PTPN9: variants seen among roughly 807,000 people sequenced by gnomAD.
PTPN9 encodes the protein protein tyrosine phosphatase non-receptor type 9.
Under a neutral mutation model 69.8 loss-of-function variants are expected in PTPN9, and 26 were observed. The observed-to-expected ratio is 0.37, with a 90% CI of 0.27 to 0.52. PTPN9 has a LOEUF of 0.52. Among genes scored for constraint, PTPN9 ranks in the 20% least tolerant of loss-of-function variants. The probability of loss-of-function intolerance (pLI) is 0.91; values close to 1 mark genes in which losing one functional copy is unlikely to be tolerated. For synonymous variants in PTPN9, 274 were observed against 272.5 expected, an observed-to-expected ratio of 1.01 and a Z score of -0.05; for missense variants, 549 against 740.3, an observed-to-expected ratio of 0.74 and a Z score of 3.00.
At chr15:75,566,433 G>A (rs899918596) in intron 1 of PTPN9, among the ~76,000 whole-genome samples, 113 of 152,304 alleles carry the variant, frequency 7.4e-4, no homozygotes, top group African/African-American at 2.4e-3. Flanking sequence ...TGTAATCCTA[G>A]CACTTTGGGA....
At position 75,579,144 on chromosome 15, in the gene PTPN9, T is replaced by A. The variant is rs1212410815; in HGVS notation, c.-368A>T. ...CCGGGAGCGAAGGGTCGGCGGAAAT[T>A]TCCCGAAGGCCGCCGACCCCCTCGG... On this transcript the variant is annotated 5_prime_UTR_variant, in exon 1 of 13. Transcript: ENST00000618819. 3 of 154,000 alleles carry A rather than the reference T, an allele frequency of 1.9e-5. No individual in the cohort carries two copies. Among genetic ancestry groups the A allele is most frequent in the Non-Finnish European group, 4.3e-5 (3 of 69,348 alleles). 9.5% of individuals were successfully genotyped at this position (154,000 alleles called of 1,614,324 possible). A position where few individuals can be genotyped will look rare whatever the true frequency, so the allele number is the denominator to read the frequency against.
chr15:75,466,566 C>T lies in PTPN9; in HGVS notation c.*2203G>A, dbSNP rs2074537307. 6.6e-6 allele frequency: 1 copy of T among 152,216 alleles called. No individual in the cohort carries two copies. Among genetic ancestry groups the T allele is most frequent in the African/African-American group, 2.4e-5 (1 of 41,446 alleles). 9.4% of individuals were successfully genotyped at this position (152,216 alleles called of 1,614,324 possible). A position where few individuals can be genotyped will look rare whatever the true frequency, so the allele number is the denominator to read the frequency against. On this transcript the variant is annotated 3_prime_UTR_variant, in exon 13 of 13. Transcript: ENST00000618819. ...ATCAGGAGGTCCTAGCTAGGACAGTCAGTCACCAACCCTGTCACCCTTCGC... is the reference window on the plus strand; with the variant it reads ...ATCAGGAGGTCCTAGCTAGGACAGTTAGTCACCAACCCTGTCACCCTTCGC...
chr15:75,526,447 AT>A lies in PTPN9; in HGVS notation c.207+670del, dbSNP rs1010116837. On this transcript the variant is annotated intron_variant, in intron 2 of 12. Transcript: ENST00000618819. ...GCTAATCCTAGTGCTTGTTATCCCA[AT>A]TTTTTTTTTTAGGGAGATTTTGTAT... Among the ~76,000 whole-genome samples the A allele has an allele frequency of 8.9e-3, 1,303 of 147,134 alleles. 35 individuals are homozygous for A. The highest frequency in any genetic ancestry group is 0.031 in the African/African-American group (1,237 of 40,406).
intron 1 of PTPN9, among the ~76,000 whole-genome samples, chr15:75,563,782 G>C (rs961731083): frequency 2.0e-5 from 3 of 152,136 alleles, no homozygotes; most frequent in African/African-American, 7.2e-5. Flanking sequence ...TTTAATAACT[G>C]CCTTCAAAGA....
At chr15:75,571,781 C>T (rs2075149574) in intron 1 of PTPN9, among the ~76,000 whole-genome samples, 1 of 152,052 alleles carries the variant, frequency 6.6e-6, no homozygotes, top group Admixed American at 6.6e-5. Flanking sequence ...GCAGTCCCAG[C>T]TGCTTGGGAG....
intron 4 of PTPN9, among the ~76,000 whole-genome samples, 170 bp downstream of exon 4, chr15:75,522,951 G>A (rs2074911611): frequency 6.6e-6 from 1 of 152,184 alleles, no homozygotes; most frequent in Admixed American, 6.6e-5. Flanking sequence ...CATCTTGATA[G>A]TGCCTGCAAA....
At position 75,575,131 on chromosome 15, in the gene PTPN9, G is replaced by A. The variant is rs1455464950; in HGVS notation, c.63+3583C>T. ...TGGGACTACAGGCGCCCGCCACGAC[G>A]CCCGGCTAATTTTTTGTATTTTTAG... is the stretch of plus-strand genomic sequence containing the variant. On this transcript the variant is annotated intron_variant, in intron 1 of 12. Transcript: ENST00000618819. Among the ~76,000 whole-genome samples, 5 of 54,876 alleles carry A rather than the reference G, an allele frequency of 9.1e-5. 1 individual carries two copies. The South Asian group carries it at 2.1e-3, about 23-fold the overall frequency. The allele number at this position is 54,876 out of a possible 152,430, so 36.0% of individuals were successfully genotyped here.
chr15:75,523,224 C>G lies in PTPN9; in HGVS notation c.319G>C (p.Ala107Pro). The change falls in exon 4 of 13, where the codon GCC (alanine) becomes CCC (proline). Residue 107 changes from alanine (A) to proline (P), a missense_variant. Ala to Pro is a conservative substitution (Grantham distance 27). Coordinates refer to ENST00000618819, the MANE Select transcript of PTPN9 (RefSeq NM_002833.4). ...TILNVRDPTGASIALFTARLH... is the reference protein window; with the variant it reads ...TILNVRDPTGPSIALFTARLH... ...CTGGCAGTAAAGAGGGCAATGGAGG[C>G]TCCTGTTGGGTCCCGAACATTCTAA... The G allele has an allele frequency of 1.2e-6, 2 of 1,613,998 alleles. No homozygotes were observed. Among genetic ancestry groups the G allele is most frequent in the Non-Finnish European group, 1.7e-6 (2 of 1,179,992 alleles).
chr15:75,546,716 G>A (rs896495089), intron 1 of PTPN9, among the ~76,000 whole-genome samples: 3 of 151,928 alleles, frequency 2.0e-5, no homozygotes. Context: ...TAAAAAGGGT[G>A]GGTGGGCACA....
chr15:75,575,702 G>A (rs1022530505), intron 1 of PTPN9, among the ~76,000 whole-genome samples: 12 of 151,358 alleles, frequency 7.9e-5, no homozygotes, highest in Non-Finnish European at 1.3e-4. Context: ...GGTGGATCAT[G>A]AGGTCAGGAG....
intron 10 of PTPN9, among the ~76,000 whole-genome samples, chr15:75,471,753 A>G (rs2141670139): frequency 6.6e-6 from 1 of 151,860 alleles, no homozygotes; most frequent in South Asian, 2.1e-4. Flanking sequence ...CATCTCTACT[A>G]AAAATACAAA....
chr15:75,526,120 C>T (rs900446450), intron 2 of PTPN9, among the ~76,000 whole-genome samples: 1 of 151,724 alleles, frequency 6.6e-6, no homozygotes, highest in Admixed American at 6.6e-5. Flanking sequence ...CTCAGCCTCC[C>T]GAGTAGCTGG....
intron 10 of PTPN9, among the ~76,000 whole-genome samples, chr15:75,471,917 T>C (rs867836758): frequency 9.2e-5 from 14 of 151,794 alleles, no homozygotes; most frequent in Non-Finnish European, 1.2e-4. Flanking sequence ...AACTCCAGCC[T>C]GCACAATAGA....
intron 1 of PTPN9, among the ~76,000 whole-genome samples, chr15:75,559,619 G>C (rs1006370391): frequency 2.0e-5 from 3 of 152,048 alleles, no homozygotes; most frequent in African/African-American, 7.2e-5. Flanking sequence ...CAAGTACCCA[G>C]GGACACAAAC....
chr15:75,568,897 T>C (rs531657890), intron 1 of PTPN9, among the ~76,000 whole-genome samples: 13 of 152,152 alleles, frequency 8.5e-5, no homozygotes, highest in Non-Finnish European at 1.9e-4. Context: ...GTTAGGTTCC[T>C]AAGGGGCCTT....
intron 1 of PTPN9, among the ~76,000 whole-genome samples, chr15:75,540,297 A>C (rs2075002493): frequency 6.6e-6 from 1 of 152,208 alleles, no homozygotes; most frequent in Admixed American, 6.5e-5. Context: ...ATGTTGGCTC[A>C]CGCCTGTAAT....
intron 10 of PTPN9, among the ~76,000 whole-genome samples, chr15:75,472,685 A>G (rs1037528506): frequency 4.0e-5 from 6 of 151,476 alleles, no homozygotes; most frequent in South Asian, 2.1e-4. Context: ...TCAGCTACTC[A>G]GGAGAATCAC....
In PTPN9 at chr15:75,467,002, G is replaced by GAACTCAA. The variant is rs1278471207; in HGVS notation, c.*1760_*1766dup. 2.0e-5 allele frequency: 3 copies of GAACTCAA among 152,224 alleles called. No individual in the cohort carries two copies. Among genetic ancestry groups the GAACTCAA allele is most frequent in the Admixed American group, 6.6e-5 (1 of 15,266 alleles). 9.4% of individuals were successfully genotyped at this position (152,224 alleles called of 1,614,324 possible). A position where few individuals can be genotyped will look rare whatever the true frequency, so the allele number is the denominator to read the frequency against. ...CAGACAAGGTGAACTCATAGTGTCA[G>GAACTCAA]AACTCAAAGTCTCAGATACTGAAGG... On this transcript the variant is annotated 3_prime_UTR_variant, in exon 13 of 13. Transcript: ENST00000618819.
intron 1 of PTPN9, among the ~76,000 whole-genome samples, chr15:75,576,560 A>G (rs2075174634): frequency 6.6e-6 from 1 of 151,670 alleles, no homozygotes; most frequent in Non-Finnish European, 1.5e-5. Flanking sequence ...CTGTAATCCC[A>G]GCACTTTTGG....
Sources: gnomAD v4.1 joint callset for allele counts (sites outside exome capture counted in the v4.1 genomes callset) on GRCh38, gnomAD v4.1.1 for gene constraint, MANE v1.5 for transcripts, NCBI Gene and HGNC (gene_info 2026-07-23, HGNC 2026-07-21) for gene names.